The following CNOT10 variants were observed in gnomAD, a reference collection of about 807,000 sequenced individuals.
CNOT10 encodes the protein CCR4-NOT transcription complex, subunit 10.
A neutral mutation model predicts 94.6 loss-of-function variants in CNOT10; 30 were observed. The ratio of observed to expected loss-of-function variants is 0.32; its 90% CI spans 0.24 to 0.43. The LOEUF (loss-of-function observed/expected upper bound fraction) is 0.43, where lower values mean the gene tolerates loss of function less well. Ranked by LOEUF, CNOT10 falls within the 20% of genes least tolerant of loss-of-function variation. The pLI is 1.00. For missense variants in CNOT10, 759 were observed against 877.2 expected (o/e 0.87, Z 1.70); for synonymous variants, 289 against 301.6 (o/e 0.96, Z 0.43).
chr3:32,728,989 G>C (rs1187949454), intron 10 of CNOT10, among the ~76,000 whole-genome samples: 1 of 152,088 alleles, frequency 6.6e-6, no homozygotes, highest in African/African-American at 2.4e-5. Flanking sequence ...CCAGCTACTC[G>C]GGAGGGTGAG....
Position 32,725,559 on chromosome 3 carries a change from C to T in CNOT10, c.972C>T (p.Asp324=). 1 of 1,614,118 alleles carries T rather than the reference C, an allele frequency of 6.2e-7. No individual in the cohort carries two copies. Among genetic ancestry groups the T allele is most frequent in the Non-Finnish European group, 8.5e-7 (1 of 1,179,972 alleles). ...FYFKKALQEN[D]NVCAQLSAGS... Reference sequence around the variant, plus strand: ...TTAAAAAGGCTCTGCAAGAGAATGACAATGTCTGTGCACAGCTCAGTGCAG... The same window carrying T: ...TTAAAAAGGCTCTGCAAGAGAATGATAATGTCTGTGCACAGCTCAGTGCAG... The change falls in exon 9 of 19, where the codon GAC becomes GAT. Residue 324 remains aspartate, a synonymous_variant. Coordinates refer to ENST00000328834, the MANE Select transcript of CNOT10 (RefSeq NM_015442.3).
chr3:32,737,413 T>A lies in CNOT10; in HGVS notation c.1518T>A (p.Ser506Arg). Residue 506 changes from serine to arginine, a missense_variant, in exon 13 of 19, where the codon AGT (serine) becomes AGA (arginine). Physicochemically the swap from Ser to Arg is moderately radical, Grantham distance 110. Coordinates refer to ENST00000328834, the MANE Select transcript of CNOT10 (RefSeq NM_015442.3). ...ESSESSETCS[S>R]KSHDGDKFIP... ...AAGACTCTTACCTCTATTTTAGCAG[T>A]AAAAGCCATGATGGAGATAAATTCA... 1 of 1,600,484 alleles carries A rather than the reference T, an allele frequency of 6.2e-7. No homozygotes were observed. The highest frequency in any genetic ancestry group is 8.6e-7 in the Non-Finnish European group (1 of 1,169,104).
intron 5 of CNOT10, among the ~76,000 whole-genome samples, chr3:32,714,731 A>T (rs1326975653): frequency 2.0e-5 from 3 of 152,164 alleles, no homozygotes; most frequent in Admixed American, 6.5e-5. Flanking sequence ...GCATACATTT[A>T]TGATGTTTAA....
chr3:32,690,702 A>G (rs746368670), intron 1 of CNOT10, among the ~76,000 whole-genome samples: 26 of 151,952 alleles, frequency 1.7e-4, no homozygotes, highest in Non-Finnish European at 3.2e-4. Flanking sequence ...GCATGCCACC[A>G]TGCCCGGCTA....
chr3:32,741,309 A>G lies in CNOT10; in HGVS notation c.1595+3819A>G, dbSNP rs891922954. On this transcript the variant is annotated intron_variant, in intron 13 of 18. Coordinates refer to ENST00000328834, the MANE Select transcript of CNOT10 (RefSeq NM_015442.3). ...GGTATGATTGTACCTCAGTTTAATC[A>G]TTCACCTTTTGTAGGACATCTAGCT... 4.4e-5 allele frequency among the ~76,000 whole-genome samples: 6 copies of G among 137,096 alleles called. No homozygotes were observed. In the East Asian group the frequency reaches 1.3e-3, roughly 30 times the overall value. The allele number at this position is 137,096 out of a possible 152,430, so 89.9% of individuals were successfully genotyped here.
chr3:32,743,903 C>T (rs1329575597), intron 13 of CNOT10, among the ~76,000 whole-genome samples: 1 of 151,856 alleles, frequency 6.6e-6, no homozygotes, highest in African/African-American at 2.4e-5. Flanking sequence ...TAGGGAATGC[C>T]GTCATCATAA....
At chr3:32,686,577 G>A (rs75301005) in intron 1 of CNOT10, among the ~76,000 whole-genome samples, 238 of 152,314 alleles carry the variant, frequency 1.6e-3, no homozygotes, top group African/African-American at 5.5e-3. Context: ...GTTCAGGGAA[G>A]GCCTCTGGTG....
At chr3:32,766,035 C>T (rs144782988) in intron 17 of CNOT10, among the ~76,000 whole-genome samples, 6,173 of 35,418 alleles carry the variant, frequency 0.17, 2,654 homozygotes, top group East Asian at 0.48. Context: ...GACGGAGTTT[C>T]GCTCTTGTTG....
intron 6 of CNOT10, among the ~76,000 whole-genome samples, 163 bp from the exon 7 acceptor site, chr3:32,716,991 C>T (rs62250842): frequency 0.086 from 13,018 of 152,112 alleles, 674 homozygotes; most frequent in Middle Eastern, 0.18. Context: ...GAAGTATATT[C>T]GAAGAGTACA....
intron 8 of CNOT10, among the ~76,000 whole-genome samples, chr3:32,723,991 G>A (rs1162719579): frequency 2.0e-5 from 3 of 152,082 alleles, no homozygotes; most frequent in African/African-American, 7.2e-5. Context: ...GAGGCATGAG[G>A]ATTGCTTGAG....
At chr3:32,741,052 T>C (rs12634822) in intron 13 of CNOT10, among the ~76,000 whole-genome samples, 8 of 151,896 alleles carry the variant, frequency 5.3e-5, no homozygotes, top group Non-Finnish European at 7.4e-5. Context: ...TGCCCTCTTA[T>C]AGCCATACCC....
chr3:32,693,373 C>T (rs1022160489), intron 1 of CNOT10: 1 of 151,894 alleles, frequency 6.6e-6, no homozygotes, highest in Non-Finnish European at 1.5e-5. Context: ...CATGCCACCA[C>T]ACCTGGCCAG....
chr3:32,714,474 C>T (rs936938803), intron 5 of CNOT10, among the ~76,000 whole-genome samples: 1 of 150,354 alleles, frequency 6.7e-6, no homozygotes, highest in East Asian at 1.9e-4. Context: ...TTTGAGAGTC[C>T]AAGGCGGGTG....
At chr3:32,738,741 C>T (rs1385724993) in intron 13 of CNOT10, among the ~76,000 whole-genome samples, 1 of 151,948 alleles carries the variant, frequency 6.6e-6, no homozygotes, top group South Asian at 2.1e-4. Flanking sequence ...GGTTTACAGG[C>T]GTGAGCCACA....
chr3:32,716,968 A>G (rs1469735240), intron 6 of CNOT10, among the ~76,000 whole-genome samples, 186 bp from the exon 7 acceptor site: 1 of 152,120 alleles, frequency 6.6e-6, no homozygotes, highest in Admixed American at 6.6e-5. Flanking sequence ...TTCTACCGTG[A>G]TTTTAGTATT....
intron 13 of CNOT10, among the ~76,000 whole-genome samples, chr3:32,747,988 A>T (rs1575283274): frequency 2.0e-5 from 3 of 152,190 alleles, no homozygotes; most frequent in African/African-American, 7.2e-5. Flanking sequence ...GCAGGCATGT[A>T]CCGCCATGCC....
intron 1 of CNOT10, among the ~76,000 whole-genome samples, chr3:32,698,752 A>G (rs1697194611): frequency 6.6e-6 from 1 of 152,122 alleles, no homozygotes; most frequent in Non-Finnish European, 1.5e-5. Flanking sequence ...CCAGGCTAGG[A>G]CTTCCCAAAG....
intron 1 of CNOT10, among the ~76,000 whole-genome samples, chr3:32,698,231 C>T (rs1447882025): frequency 6.6e-6 from 1 of 152,230 alleles, no homozygotes; most frequent in African/African-American, 2.4e-5. Flanking sequence ...TTCCTCCTCC[C>T]TGTCGTATGC....
In CNOT10 at chr3:32,721,429, CTTTTTTTTTT is replaced by C. The variant is rs58351356; in HGVS notation, c.862+1214_862+1223del. On this transcript the variant is annotated intron_variant, in intron 8 of 18. Transcript: ENST00000328834. Reference sequence around the variant, plus strand: ...AAGTGAGACCTAATTTTTCTTTCATCTTTTTTTTTTTTTTTTTTTTTTTTTAGTGAATTAC... The same window carrying C: ...AAGTGAGACCTAATTTTTCTTTCATCTTTTTTTTTTTTTTTAGTGAATTAC... 6.2e-4 allele frequency among the ~76,000 whole-genome samples: 45 copies of C among 72,596 alleles called. 1 individual carries two copies. The highest frequency in any genetic ancestry group is 8.7e-4 in the Non-Finnish European group (37 of 42,472). 47.6% of individuals were successfully genotyped at this position (72,596 alleles called of 152,430 possible).
Sources: allele counts gnomAD v4.1 joint callset (sites outside exome capture counted in the v4.1 genomes callset), GRCh38; gene constraint gnomAD v4.1.1; transcripts MANE v1.5; gene names NCBI Gene and HGNC (gene_info 2026-07-23, HGNC 2026-07-21).